Variants in PTPN20 observed in about 807,000 individuals in gnomAD.
PTPN20 encodes the protein tyrosine-protein phosphatase non-receptor type 20.
PTPN20 carries 9 observed loss-of-function variants against 35.0 expected under a neutral mutation model. The ratio of observed to expected loss-of-function variants is 0.26; its 90% confidence interval spans 0.15 to 0.45. The LOEUF is 0.45. Among genes scored for constraint, PTPN20 ranks in the 20% least tolerant of loss-of-function variants. PTPN20 has a pLI of 1.00. For synonymous variants in PTPN20, 32 were observed against 100.2 expected, an observed-to-expected ratio of 0.32 and a Z score of 4.06; for missense variants, 111 against 312.5, an observed-to-expected ratio of 0.36 and a Z score of 4.86.
chr10:46,996,673 G>T (rs2059150210), intron 9 of PTPN20, among the ~76,000 whole-genome samples: 1 of 152,064 alleles, frequency 6.6e-6, no homozygotes, highest in Non-Finnish European at 1.5e-5. Context: ...TTAAATTTAG[G>T]TGAAGATTCA....
At chr10:46,977,604 T>C (rs2054170134) in intron 7 of PTPN20, among the ~76,000 whole-genome samples, 1 of 145,032 alleles carries the variant, frequency 6.9e-6, no homozygotes, top group Non-Finnish European at 1.5e-5. Flanking sequence ...GCATCTGTAT[T>C]TGATACCTTA....
chr10:46,999,914 C>T lies in PTPN20; in HGVS notation c.1137C>T (p.Phe379=). 6.2e-7 allele frequency: 1 copy of T among 1,613,688 alleles called. No homozygotes were observed. The part of the protein sequence containing the change: ...VFCAIVKNCS[F]NIMDIVAQMR... ...AAATTACTGTCATCTTATTACAGTT[C>T]AACATCATGGATATAGTGGCCCAAA... The change falls in exon 10 of 11, where the codon TTC becomes TTT. Residue 379 remains phenylalanine (F), a splice_region_variant and synonymous_variant. Transcript: ENST00000374339.
At chr10:46,988,908 T>G (rs1268450350) in intron 9 of PTPN20, among the ~76,000 whole-genome samples, 30 of 149,664 alleles carry the variant, frequency 2.0e-4, no homozygotes, top group Non-Finnish European at 3.9e-4. Context: ...TCAGCTAGTT[T>G]GTTATTGGAG....
chr10:47,003,600 C>T (rs2060137722), downstream of PTPN20, among the ~76,000 whole-genome samples: 1 of 152,066 alleles, frequency 6.6e-6, no homozygotes, highest in African/African-American at 2.4e-5. Flanking sequence ...GCCCACAGGC[C>T]ATATCTGACT....
chr10:46,936,571 A>G (rs1405886507), intron 2 of PTPN20, among the ~76,000 whole-genome samples: 1 of 151,406 alleles, frequency 6.6e-6, no homozygotes, highest in Non-Finnish European at 1.5e-5. Context: ...ATAACTCCCC[A>G]TTCTAGACGC....
At chr10:46,996,305 A>G (rs1363783319) in intron 9 of PTPN20, among the ~76,000 whole-genome samples, 6 of 152,124 alleles carry the variant, frequency 3.9e-5, no homozygotes, top group Admixed American at 2.0e-4. Context: ...CATCTTCATT[A>G]TTTGGTTAAC....
chr10:46,948,713 T>C lies in PTPN20; in HGVS notation c.340+2038T>C, dbSNP rs1249006333. Among the ~76,000 whole-genome samples, 5 of 152,162 alleles carry C rather than the reference T, an allele frequency of 3.3e-5. No individual in the cohort carries two copies. The East Asian group carries it at 9.7e-4, about 30-fold the overall frequency. ...TGTGCTTTAGAAGGGCTTTCTTTCCTTCTCCTGCCTATCTTCCAGCAGTAG... is the reference window on the plus strand; with the variant it reads ...TGTGCTTTAGAAGGGCTTTCTTTCCCTCTCCTGCCTATCTTCCAGCAGTAG... On this transcript the variant is annotated intron_variant, in intron 5 of 10. Coordinates refer to ENST00000374339, the MANE Select transcript of PTPN20 (RefSeq NM_001042357.5).
At chr10:46,947,208 ATGTG>A in intron 5 of PTPN20, among the ~76,000 whole-genome samples, 1 of 120,200 alleles carries the variant, frequency 8.3e-6, no homozygotes, top group African/African-American at 3.3e-5. Context: ...ATATATGTGT[ATGTG>A]TATATATATA....
chr10:46,928,351 A>C (rs1342643207), intron 1 of PTPN20, among the ~76,000 whole-genome samples: 2 of 151,698 alleles, frequency 1.3e-5, no homozygotes, highest in Non-Finnish European at 2.9e-5. Context: ...TCTGTATTTT[A>C]TTTTAATTGA....
chr10:47,003,623 T>C (rs1310165109), downstream of PTPN20, among the ~76,000 whole-genome samples: 1 of 152,136 alleles, frequency 6.6e-6, no homozygotes, highest in Non-Finnish European at 1.5e-5. Flanking sequence ...TTGCCTTTTT[T>C]TGTAAATAAA....
At chr10:46,999,850 A>G (rs1216943558) in intron 9 of PTPN20, 62 bp from the exon 10 acceptor site, 6 of 1,579,262 alleles carry the variant, frequency 3.8e-6, no homozygotes, top group Admixed American at 3.4e-5. Flanking sequence ...CTTTTTGGCA[A>G]TCTGTGAATT....
chr10:46,983,065 CTTTTTTTTTT>C (rs74898545), intron 7 of PTPN20, among the ~76,000 whole-genome samples: 4 of 101,942 alleles, frequency 3.9e-5, no homozygotes, highest in African/African-American at 1.5e-4. Context: ...ATATATCTAG[CTTTTTTTTTT>C]TTTTTTTTTT....
intron 9 of PTPN20, among the ~76,000 whole-genome samples, chr10:46,994,403 A>G (rs1432372127): frequency 1.5e-5 from 2 of 132,884 alleles, no homozygotes; most frequent in Non-Finnish European, 3.0e-5. Context: ...ATCTCGGCTC[A>G]CTGCAAGCTC....
At chr10:46,995,333 CTTTTTTTTTTT>C (rs878968027) in intron 9 of PTPN20, among the ~76,000 whole-genome samples, 2 of 85,658 alleles carry the variant, frequency 2.3e-5, no homozygotes, top group Admixed American at 2.9e-4. Context: ...TTTTTTTTTT[CTTTTTTTTTTT>C]TTTTTTTTTG....
At chr10:46,999,247 T>C (rs1319993140) in intron 9 of PTPN20, among the ~76,000 whole-genome samples, 1 of 152,256 alleles carries the variant, frequency 6.6e-6, no homozygotes. Context: ...AATGTCTTGC[T>C]GAAACGACTC....
chr10:46,954,795 T>G (rs1161028454), intron 5 of PTPN20, among the ~76,000 whole-genome samples: 2 of 151,390 alleles, frequency 1.3e-5, no homozygotes, highest in African/African-American at 4.9e-5. Context: ...TATTTTATCT[T>G]TTCTTAATTT....
chr10:46,960,556 G>A (rs1458634883), intron 5 of PTPN20, among the ~76,000 whole-genome samples: 1 of 150,468 alleles, frequency 6.6e-6, no homozygotes, highest in African/African-American at 2.5e-5. Context: ...CATGTATATT[G>A]TCTACTTTTC....
At chr10:46,995,333 CTTTTTTTTTT>C (rs878968027) in intron 9 of PTPN20, among the ~76,000 whole-genome samples, 4 of 85,658 alleles carry the variant, frequency 4.7e-5, no homozygotes, top group Admixed American at 1.5e-4. Context: ...TTTTTTTTTT[CTTTTTTTTTT>C]TTTTTTTTTT....
At chr10:46,944,898 G>T in intron 4 of PTPN20, among the ~76,000 whole-genome samples, 1 of 146,552 alleles carries the variant, frequency 6.8e-6, no homozygotes, top group East Asian at 2.0e-4. Flanking sequence ...AAGATTGTGG[G>T]TACAGAAGAT....
Sources: gnomAD v4.1 joint callset for allele counts (sites outside exome capture counted in the v4.1 genomes callset) on GRCh38, gnomAD v4.1.1 for gene constraint, MANE v1.5 for transcripts, NCBI Gene and HGNC (gene_info 2026-07-23, HGNC 2026-07-21) for gene names.